Variants in CD300LF observed in about 807,000 individuals in gnomAD.
The protein encoded by CD300LF is CD300 molecule like family member f.
Under a neutral mutation model 32.2 loss-of-function variants are expected in CD300LF, and 27 were observed. The observed-to-expected ratio is 0.84, with a 90% CI of 0.62 to 1.15. CD300LF has a LOEUF of 1.15. CD300LF is among the 50% of genes most tolerant of loss of function. The probability of loss-of-function intolerance (pLI) is 0.00; values close to 1 mark genes in which losing one functional copy is unlikely to be tolerated. For synonymous variants in CD300LF, 139 were observed against 143.2 expected (o/e 0.97, Z 0.21); for missense variants, 348 against 356.8 (o/e 0.98, Z 0.20).
Position 74,694,818 on chromosome 17 carries a change from T to C in CD300LF, c.*278A>G, listed in dbSNP as rs915745099. On this transcript the variant is annotated 3_prime_UTR_variant, in exon 7 of 7. Coordinates refer to ENST00000326165, the MANE Select transcript of CD300LF (RefSeq NM_139018.5). ...CATGATAATAATGATAACATTTTTC[T>C]CATTATCATCTTCATCATTCCCATG... 1 of 324,198 alleles carries C rather than the reference T, an allele frequency of 3.1e-6. No homozygotes were observed. The highest frequency in any genetic ancestry group is 5.0e-5 in the East Asian group (1 of 20,100). The allele number at this position is 324,198 out of a possible 1,614,324, so 20.1% of individuals were successfully genotyped here.
At chr17:74,708,657 C>T (rs185949884) in intron 1 of CD300LF, among the ~76,000 whole-genome samples, 3 of 152,318 alleles carry the variant, frequency 2.0e-5, no homozygotes, top group East Asian at 3.9e-4. Flanking sequence ...TGGCTTACAC[C>T]GGTAATCCCA....
chr17:74,696,339 G>A, intron 4 of CD300LF, 122 bp from the exon 5 acceptor site: 1 of 1,025,876 alleles, frequency 9.7e-7, no homozygotes, highest in South Asian at 1.7e-5. Flanking sequence ...TCAGAGACAG[G>A]GACCTGGTTC....
intron 1 of CD300LF, among the ~76,000 whole-genome samples, chr17:74,709,217 ACT>A (rs1334306535): frequency 6.6e-6 from 1 of 151,712 alleles, no homozygotes; most frequent in Admixed American, 6.6e-5. Flanking sequence ...AGCAAGACTG[ACT>A]CAAAAAAAAA....
At chr17:74,709,204 C>T (rs962284431) in intron 1 of CD300LF, among the ~76,000 whole-genome samples, 1 of 149,610 alleles carries the variant, frequency 6.7e-6, no homozygotes, top group Non-Finnish European at 1.5e-5. Flanking sequence ...AGCCTGGAGA[C>T]AGAGCAAGAC....
intron 4 of CD300LF, among the ~76,000 whole-genome samples, chr17:74,696,544 A>G (rs1004821070): frequency 2.0e-5 from 3 of 151,986 alleles, no homozygotes; most frequent in African/African-American, 7.3e-5. Flanking sequence ...CAGAATCCCA[A>G]CTCGGCCTGG....
chr17:74,705,514 C>T (rs1391650681), intron 1 of CD300LF: 2 of 466,766 alleles, frequency 4.3e-6, no homozygotes, highest in East Asian at 6.3e-5. Flanking sequence ...CTACATTCTC[C>T]TGATTACTAT....
At chr17:74,695,692 C>G in intron 6 of CD300LF, 33 bp downstream of exon 6, 1 of 1,613,746 alleles carries the variant, frequency 6.2e-7, no homozygotes. Context: ...TCCCCCTGCC[C>G]CAGCCTCACA....
chr17:74,700,253 G>A (rs2032923728), intron 3 of CD300LF, among the ~76,000 whole-genome samples: 1 of 152,178 alleles, frequency 6.6e-6, no homozygotes, highest in African/African-American at 2.4e-5. Flanking sequence ...AAATGGCCAG[G>A]GCTGACAATG....
rs534456326 is a variant in CD300LF, at chr17:74,696,213, G to A, written c.564C>T (p.Ala188=). The stretch of plus-strand genomic sequence containing the variant: ...ATCTTACCTGCTCTGGGGACATCCC[G>A]GCTGCTAAAAGACAAACAACAATTC... ...WRMMKYQQKA[A]GMSPEQVLQP... Residue 188 remains alanine (A), a synonymous_variant, in exon 5 of 7, where the codon GCC becomes GCT. Coordinates refer to ENST00000326165, the MANE Select transcript of CD300LF (RefSeq NM_139018.5). The A allele has an allele frequency of 1.6e-5, 25 of 1,606,662 alleles. No individual in the cohort carries two copies. The highest frequency in any genetic ancestry group is 4.5e-5 in the East Asian group (2 of 44,420).
At chr17:74,702,398 G>A (rs1425521860) in intron 3 of CD300LF, among the ~76,000 whole-genome samples, 1 of 152,154 alleles carries the variant, frequency 6.6e-6, no homozygotes, top group East Asian at 1.9e-4. Context: ...TCTGTAAAAT[G>A]GGAACATTTG....
intron 1 of CD300LF, among the ~76,000 whole-genome samples, chr17:74,712,515 C>T (rs577080927): frequency 2.0e-5 from 3 of 152,364 alleles, no homozygotes; most frequent in East Asian, 3.9e-4. Flanking sequence ...CAGGCAGTCG[C>T]CTGCTCTCCT....
At chr17:74,701,743 G>A (rs1384519356) in intron 3 of CD300LF, among the ~76,000 whole-genome samples, 5 of 151,804 alleles carry the variant, frequency 3.3e-5, no homozygotes, top group South Asian at 4.2e-4. Context: ...GCAGCTACTC[G>A]AGAAGCTGAG....
chr17:74,705,331 T>C (rs1342591504), intron 1 of CD300LF: 7 of 679,414 alleles, frequency 1.0e-5, no homozygotes, highest in Non-Finnish European at 1.6e-5. Context: ...CCTGGATGAA[T>C]GCCTTTGAAG....
intron 1 of CD300LF, among the ~76,000 whole-genome samples, chr17:74,711,811 A>T (rs1318737832): frequency 6.6e-6 from 1 of 151,500 alleles, no homozygotes; most frequent in African/African-American, 2.4e-5. Flanking sequence ...ACTGTAACAT[A>T]TCATCTTGTT....
Position 74,702,982 on chromosome 17 carries a change from C to G in CD300LF, c.446+53G>C. On this transcript the variant is annotated intron_variant, in intron 3 of 6. Transcript: ENST00000326165. ...GGAAAATGGGACTTCAAAGAGTTCT[C>G]CATTGGAGGAGTTTGGGCCAAGTAG... 2.1e-6 allele frequency: 3 copies of G among 1,410,490 alleles called. No individual in the cohort carries two copies. The Admixed American group carries it at 5.0e-5, about 24-fold the overall frequency. The allele number at this position is 1,410,490 out of a possible 1,614,324, so 87.4% of individuals were successfully genotyped here.
At position 74,712,913 on chromosome 17, in the gene CD300LF, A is replaced by G. The variant is rs762507200; in HGVS notation, c.-47T>C. ...GTTCCCCTCAGTGGAGCCTGGCAGC[A>G]GGAACAAACTACAGACTCCCAGCCT... On this transcript the variant is annotated 5_prime_UTR_variant, in exon 1 of 7. Coordinates refer to ENST00000326165, the MANE Select transcript of CD300LF (RefSeq NM_139018.5). 5.0e-6 allele frequency: 8 copies of G among 1,596,170 alleles called. No homozygotes were observed. The highest frequency in any genetic ancestry group is 6.9e-6 in the Non-Finnish European group (8 of 1,165,046).
rs2033205036 is a variant in CD300LF at position 74,703,063 on chromosome 17, T to C, written c.418A>G (p.Thr140Ala). Residue 140 changes from threonine to alanine, a missense_variant, in exon 3 of 7, where the codon ACT becomes GCT. Transcript: ENST00000326165. The stretch of plus-strand genomic sequence containing the variant: ...TTGTCCAAGTGGTGGCCGGTCAGAG[T>C]TGGGGAGCTGCTAGTTTCTTCTTGG... ...VTQEETSSSP[T>A]LTGHHLDNRH... The C allele has an allele frequency of 1.2e-6, 2 of 1,613,720 alleles. No individual in the cohort carries two copies. The highest frequency in any genetic ancestry group is 1.7e-6 in the Non-Finnish European group (2 of 1,179,818).
chr17:74,695,072 C>A lies in CD300LF; in HGVS notation c.*24G>T. Reference sequence around the variant, plus strand: ...CAGGAGTGTGCTCACAGCCTGGGGTCCAAGAAGGAGCCTGGAGTGCAGGCT... The same window carrying A: ...CAGGAGTGTGCTCACAGCCTGGGGTACAAGAAGGAGCCTGGAGTGCAGGCT... On this transcript the variant is annotated 3_prime_UTR_variant, in exon 7 of 7. Transcript: ENST00000326165. 1 of 1,605,268 alleles carries A rather than the reference C, an allele frequency of 6.2e-7. No individual in the cohort carries two copies. Among genetic ancestry groups the A allele is most frequent in the South Asian group, 1.1e-5 (1 of 90,344 alleles).
Position 74,704,928 on chromosome 17 carries a change from AG to A in CD300LF, c.44-113del, listed in dbSNP as rs60289902. 1.2e-3 allele frequency: 1,022 copies of A among 849,194 alleles called. 8 individuals carry two copies. In the African/African-American group the frequency reaches 0.015, roughly 12 times the overall value. The allele number at this position is 849,194 out of a possible 1,614,324, so 52.6% of individuals were successfully genotyped here. ...AGTTTCACAGGTTAAATAACAGTCA[AG>A]GAAGAAATACACCTTCCGCAGACAA... On this transcript the variant is annotated intron_variant, in intron 1 of 6. Coordinates refer to ENST00000326165, the MANE Select transcript of CD300LF (RefSeq NM_139018.5).
Sources: gnomAD v4.1 joint callset for allele counts (sites outside exome capture counted in the v4.1 genomes callset) on GRCh38, gnomAD v4.1.1 for gene constraint, MANE v1.5 for transcripts, NCBI Gene and HGNC (gene_info 2026-07-23, HGNC 2026-07-21) for gene names.